Variants in SLC9A9 observed in about 807,000 individuals in gnomAD.
SLC9A9 encodes solute carrier family 9 member A9.
In SLC9A9, 62 loss-of-function variants were observed where a neutral mutation model predicts 77.8. The observed-to-expected ratio is 0.80, with a 90% confidence interval of 0.65 to 0.98. The LOEUF (loss-of-function observed/expected upper bound fraction) is 0.98, where lower values mean the gene tolerates loss of function less well. Among genes scored for constraint, SLC9A9 ranks in the 50% least tolerant of loss-of-function variants. SLC9A9 has a pLI of 0.00. For synonymous variants in SLC9A9, 320 were observed against 283.5 expected (o/e 1.13, Z -1.29); for missense variants, 775 against 774.9 (o/e 1.00, Z 0.00).
At chr3:143,415,495 ACT>A (rs1232663585) in intron 12 of SLC9A9, among the ~76,000 whole-genome samples, 1 of 152,076 alleles carries the variant, frequency 6.6e-6, no homozygotes, top group Non-Finnish European at 1.5e-5. Flanking sequence ...TGCTAAATTG[ACT>A]CTGCCTATGT....
At chr3:143,398,762 T>C (rs1219320516) in intron 12 of SLC9A9, among the ~76,000 whole-genome samples, 1 of 152,124 alleles carries the variant, frequency 6.6e-6, no homozygotes, top group African/African-American at 2.4e-5. Context: ...GAAGATTGTT[T>C]CACCAACACT....
At chr3:143,723,221 T>C (rs533242859) in intron 4 of SLC9A9, among the ~76,000 whole-genome samples, 4 of 152,140 alleles carry the variant, frequency 2.6e-5, no homozygotes, top group African/African-American at 7.2e-5. Flanking sequence ...GGAACAAAGA[T>C]TGCTTTTAGA....
chr3:143,753,696 A>G (rs1036516459), intron 4 of SLC9A9, among the ~76,000 whole-genome samples: 8 of 152,130 alleles, frequency 5.3e-5, no homozygotes, highest in African/African-American at 1.7e-4. Context: ...GTGACTGAGC[A>G]TGGAGGGGAC....
intron 2 of SLC9A9, among the ~76,000 whole-genome samples, chr3:143,830,262 T>A (rs375583019): frequency 3.9e-5 from 6 of 152,306 alleles, no homozygotes; most frequent in African/African-American, 1.4e-4. Flanking sequence ...GGTTGCTGAG[T>A]CACCTGTTCC....
At chr3:143,706,796 CA>C (rs1327876622) in intron 4 of SLC9A9, among the ~76,000 whole-genome samples, 1 of 152,188 alleles carries the variant, frequency 6.6e-6, no homozygotes. Flanking sequence ...TTTCTTTAAA[CA>C]TTATAAGATT....
chr3:143,595,286 T>A (rs368880768), intron 6 of SLC9A9, among the ~76,000 whole-genome samples: 3 of 152,294 alleles, frequency 2.0e-5, no homozygotes, highest in South Asian at 2.1e-4. Context: ...AAATTGAGTA[T>A]CTTTTTAAAT....
intron 14 of SLC9A9, among the ~76,000 whole-genome samples, chr3:143,355,844 G>T (rs367544333): frequency 1.3e-5 from 2 of 152,126 alleles, no homozygotes; most frequent in Admixed American, 6.5e-5. Context: ...TATTGAATTT[G>T]ATTTAAAGGA....
At chr3:143,451,288 G>A (rs139157075) in intron 12 of SLC9A9, among the ~76,000 whole-genome samples, 5 of 152,226 alleles carry the variant, frequency 3.3e-5, no homozygotes, top group African/African-American at 1.2e-4. Context: ...CCTCTAATGG[G>A]CAATTCCCTG....
chr3:143,586,433 CA>C (rs1158797571), intron 6 of SLC9A9, among the ~76,000 whole-genome samples: 1 of 152,020 alleles, frequency 6.6e-6, no homozygotes, highest in African/African-American at 2.4e-5. Flanking sequence ...ACCAACACAA[CA>C]TAAAGGGGCA....
chr3:143,422,887 A>G (rs1287706686), intron 12 of SLC9A9, among the ~76,000 whole-genome samples: 1 of 152,194 alleles, frequency 6.6e-6, no homozygotes, highest in Non-Finnish European at 1.5e-5. Flanking sequence ...TTATTGTCAC[A>G]GCTATTTACA....
At chr3:143,437,515 A>G (rs542973951) in intron 12 of SLC9A9, among the ~76,000 whole-genome samples, 1 of 152,368 alleles carries the variant, frequency 6.6e-6, no homozygotes, top group African/African-American at 2.4e-5. Flanking sequence ...ACGATAGTGT[A>G]TTGCACTAAA....
At chr3:143,439,790 T>C (rs575963814) in intron 12 of SLC9A9, among the ~76,000 whole-genome samples, 2 of 131,382 alleles carry the variant, frequency 1.5e-5, no homozygotes, top group Admixed American at 7.4e-5. Context: ...GAGTAGCCTC[T>C]TAAGGGCTCT....
chr3:143,563,609 G>A (rs1227029186), intron 8 of SLC9A9, among the ~76,000 whole-genome samples: 1 of 152,062 alleles, frequency 6.6e-6, no homozygotes, highest in Non-Finnish European at 1.5e-5. Context: ...GACAATCCAA[G>A]GAAGGGGGAA....
chr3:143,452,703 G>A (rs927916432), intron 12 of SLC9A9, among the ~76,000 whole-genome samples: 3 of 145,130 alleles, frequency 2.1e-5, no homozygotes, highest in Non-Finnish European at 3.0e-5. Flanking sequence ...TAGGTGCAAT[G>A]ACGGTACTTT....
intron 13 of SLC9A9, chr3:143,372,121 C>T (rs1046398324): frequency 4.3e-6 from 1 of 233,212 alleles, no homozygotes. Flanking sequence ...GAATCAGTAT[C>T]ACGAAAGTGA....
At chr3:143,670,076 C>T (rs953216392) in intron 5 of SLC9A9, among the ~76,000 whole-genome samples, 3 of 152,188 alleles carry the variant, frequency 2.0e-5, no homozygotes, top group African/African-American at 4.8e-5. Context: ...TATCTCTCTT[C>T]CTTTCTCACA....
chr3:143,618,134 A>C (rs1236807272), intron 6 of SLC9A9, among the ~76,000 whole-genome samples: 3 of 152,178 alleles, frequency 2.0e-5, no homozygotes. Flanking sequence ...GAGATCTTGG[A>C]GTGCTGGAAC....
intron 12 of SLC9A9, among the ~76,000 whole-genome samples, chr3:143,427,569 A>T (rs975379496): frequency 4.6e-5 from 7 of 152,208 alleles, no homozygotes; most frequent in South Asian, 2.1e-4. Flanking sequence ...TGCAATTTTT[A>T]AAAAAATCAT....
At chr3:143,711,754 A>G (rs535288434) in intron 4 of SLC9A9, among the ~76,000 whole-genome samples, 2 of 152,092 alleles carry the variant, frequency 1.3e-5, no homozygotes, top group South Asian at 4.2e-4. Flanking sequence ...TTATTTCCTT[A>G]TAGATCCTGA....
Sources: allele counts gnomAD v4.1 joint callset (sites outside exome capture counted in the v4.1 genomes callset), GRCh38; gene constraint gnomAD v4.1.1; transcripts MANE v1.5; gene names NCBI Gene and HGNC (gene_info 2026-07-23, HGNC 2026-07-21).